Variants in RBPJ observed in about 807,000 individuals in gnomAD.
RBPJ encodes the protein recombination signal binding protein for immunoglobulin kappa J region.
RBPJ carries 9 observed loss-of-function variants against 67.8 expected under a neutral mutation model. The ratio of observed to expected loss-of-function variants is 0.13; its 90% confidence interval spans 0.08 to 0.23. The LOEUF (loss-of-function observed/expected upper bound fraction) is 0.23, where lower values mean the gene tolerates loss of function less well. Ranked by LOEUF, RBPJ falls within the 10% of genes least tolerant of loss-of-function variation. The pLI is 1.00. For missense variants in RBPJ, 305 were observed against 595.6 expected (o/e 0.51, Z 5.08); for synonymous variants, 198 against 203.3 (o/e 0.97, Z 0.22).
At chr4:26,414,375 C>T (rs1734347000) in intron 3 of RBPJ, among the ~76,000 whole-genome samples, 1 of 152,042 alleles carries the variant, frequency 6.6e-6, no homozygotes, top group African/African-American at 2.4e-5. Flanking sequence ...AGCCATGTTG[C>T]CCAGGCTGGT....
chr4:26,376,061 G>A (rs1016918724), intron 1 of RBPJ, among the ~76,000 whole-genome samples: 2 of 152,136 alleles, frequency 1.3e-5, no homozygotes, highest in East Asian at 3.8e-4. Context: ...GCTGAGCTTA[G>A]TTATCCCTCT....
At chr4:26,127,971 G>A in the RBPJ span, among the ~76,000 whole-genome samples, 2 of 152,178 alleles carry the variant, frequency 1.3e-5, no homozygotes, top group African/African-American at 4.8e-5. Context: ...GGTGTCAGTG[G>A]GTTCTCTGGG....
chr4:26,198,701 A>G (rs952532644), intron 1 of RBPJ, among the ~76,000 whole-genome samples: 1 of 152,218 alleles, frequency 6.6e-6, no homozygotes, highest in African/African-American at 2.4e-5. Context: ...TGAGAGAGCC[A>G]CAGAATCAAG....
At chr4:26,203,779 T>A (rs1002294009) in intron 1 of RBPJ, among the ~76,000 whole-genome samples, 1 of 152,164 alleles carries the variant, frequency 6.6e-6, no homozygotes, top group Admixed American at 6.5e-5. Flanking sequence ...AGGTTGGCCT[T>A]TAAGTAATTG....
At chr4:26,418,566 C>T (rs1477771004) in intron 4 of RBPJ, among the ~76,000 whole-genome samples, 2 of 151,484 alleles carry the variant, frequency 1.3e-5, no homozygotes, top group African/African-American at 4.9e-5. Flanking sequence ...ATGATCCAAC[C>T]TTCTTGGTTC....
At chr4:26,316,404 T>TATACATTC (rs1560258171), upstream of RBPJ, among the ~76,000 whole-genome samples, 6 of 140,722 alleles carry the variant, frequency 4.3e-5, no homozygotes, top group East Asian at 1.3e-3. Flanking sequence ...TATACATTCA[T>TATACATTC]ATATATACAT....
chr4:26,281,875 T>C (rs755277632), intron 1 of RBPJ, among the ~76,000 whole-genome samples: 5 of 152,218 alleles, frequency 3.3e-5, no homozygotes, highest in Admixed American at 6.5e-5. Context: ...AGTTCTTAGT[T>C]TTAGTCTTAC....
chr4:26,169,839 G>A (rs1055131803), intron 1 of RBPJ, among the ~76,000 whole-genome samples: 3 of 152,196 alleles, frequency 2.0e-5, no homozygotes, highest in African/African-American at 7.2e-5. Context: ...TGCTGTGCTA[G>A]CAATCAGCGA....
intron 1 of RBPJ, among the ~76,000 whole-genome samples, chr4:26,239,956 T>C (rs1719580167): frequency 6.6e-6 from 1 of 152,192 alleles, no homozygotes; most frequent in African/African-American, 2.4e-5. Context: ...AAAGGATGTT[T>C]TATAAAGAAA....
At chr4:26,190,073 C>T (rs1342173157) in intron 1 of RBPJ, among the ~76,000 whole-genome samples, 1 of 152,354 alleles carries the variant, frequency 6.6e-6, no homozygotes, top group Non-Finnish European at 1.5e-5. Flanking sequence ...TGAGCACTTA[C>T]TACATGCAGT....
chr4:26,400,698 C>T (rs1037557580), intron 2 of RBPJ, among the ~76,000 whole-genome samples: 22 of 152,260 alleles, frequency 1.4e-4, no homozygotes, highest in African/African-American at 5.1e-4. Flanking sequence ...TACAGGACAA[C>T]TATTGTTCAT....
chr4:26,358,604 T>A (rs1443424738), intron 1 of RBPJ, among the ~76,000 whole-genome samples: 11 of 120,122 alleles, frequency 9.2e-5, no homozygotes. Flanking sequence ...CAAGACCCCA[T>A]CTCTGCAAAA....
intron 1 of RBPJ, among the ~76,000 whole-genome samples, chr4:26,217,756 T>C (rs764924431): frequency 6.6e-6 from 1 of 152,276 alleles, no homozygotes; most frequent in African/African-American, 2.4e-5. Context: ...TTCCTTCCAC[T>C]ATGACAAAAA....
intron 4 of RBPJ, among the ~76,000 whole-genome samples, chr4:26,418,583 T>TC (rs1734818077): frequency 6.6e-6 from 1 of 151,608 alleles, no homozygotes; most frequent in Non-Finnish European, 1.5e-5. Flanking sequence ...GTTCTTTTTT[T>TC]CCGTTCTTGT....
intron 1 of RBPJ, among the ~76,000 whole-genome samples, chr4:26,331,477 CAT>C (rs917367005): frequency 6.6e-6 from 1 of 151,816 alleles, no homozygotes; most frequent in Non-Finnish European, 1.5e-5. Flanking sequence ...CCCTTTTTCT[CAT>C]ATGTGCAGAC....
At chr4:26,365,653 A>G (rs763853698) in intron 1 of RBPJ, among the ~76,000 whole-genome samples, 1 of 151,948 alleles carries the variant, frequency 6.6e-6, no homozygotes, top group Non-Finnish European at 1.5e-5. Flanking sequence ...TCCCTTAGTC[A>G]TAGACATCCT....
chr4:26,371,093 A>T (rs1002618071), intron 1 of RBPJ, among the ~76,000 whole-genome samples: 1 of 152,162 alleles, frequency 6.6e-6, no homozygotes, highest in Non-Finnish European at 1.5e-5. Flanking sequence ...AAAAAAAAAA[A>T]AAATTGAAAA....
chr4:26,312,784 GCTGT>G (rs796822737), intron 1 of RBPJ, among the ~76,000 whole-genome samples: 7 of 152,286 alleles, frequency 4.6e-5, no homozygotes, highest in African/African-American at 1.2e-4. Context: ...GGTTCTTTGT[GCTGT>G]CTATTTTTGT....
chr4:26,126,390 G>A, the RBPJ span, among the ~76,000 whole-genome samples: 2 of 152,168 alleles, frequency 1.3e-5, no homozygotes, highest in African/African-American at 2.4e-5. Flanking sequence ...TTTTGAGGTG[G>A]GTAGCCTGTC....
Sources: gnomAD v4.1 joint callset for allele counts (sites outside exome capture counted in the v4.1 genomes callset) on GRCh38, gnomAD v4.1.1 for gene constraint, MANE v1.5 for transcripts, NCBI Gene and HGNC (gene_info 2026-07-23, HGNC 2026-07-21) for gene names.